MYOCD: variants seen among roughly 807,000 people sequenced by gnomAD.
MYOCD encodes myocardin.
MYOCD carries 32 observed loss-of-function variants against 96.1 expected under a neutral mutation model. That is an observed-to-expected ratio of 0.33 (90% CI 0.25 to 0.45). MYOCD has a LOEUF of 0.45. Ranked by LOEUF, MYOCD falls within the 20% of genes least tolerant of loss-of-function variation. The pLI is 1.00. For synonymous variants in MYOCD, 469 were observed against 469.0 expected, an observed-to-expected ratio of 1.00 and a Z score of 0.00; for missense variants, 1,133 against 1,200.6, an observed-to-expected ratio of 0.94 and a Z score of 0.83.
intron 1 of MYOCD, among the ~76,000 whole-genome samples, chr17:12,698,177 C>T (rs1013758756): frequency 7.2e-5 from 11 of 152,060 alleles, no homozygotes; most frequent in Non-Finnish European, 5.9e-5. Context: ...GCTAATGCTG[C>T]GTAACATGTA....
intron 1 of MYOCD, among the ~76,000 whole-genome samples, chr17:12,698,828 C>T (rs1597751944): frequency 6.8e-6 from 1 of 147,436 alleles, no homozygotes; most frequent in Non-Finnish European, 1.5e-5. Context: ...CTGCAAGCTC[C>T]GCCTCCCCGG....
intron 1 of MYOCD, among the ~76,000 whole-genome samples, chr17:12,670,077 G>T (rs1909609538): frequency 1.3e-5 from 2 of 152,128 alleles, no homozygotes. Context: ...TTCACCTCTG[G>T]TCTCTGGTCG....
intron 1 of MYOCD, among the ~76,000 whole-genome samples, chr17:12,670,380 T>TCAGA (rs1031354205): frequency 6.6e-6 from 1 of 152,150 alleles, no homozygotes; most frequent in African/African-American, 2.4e-5. Flanking sequence ...TCTCCATCCT[T>TCAGA]CAGACAACCT....
intron 5 of MYOCD, 116 bp downstream of exon 5, chr17:12,723,124 AC>A: frequency 1.0e-6 from 1 of 990,044 alleles, no homozygotes; most frequent in Non-Finnish European, 1.5e-6. Context: ...TAAGAGCCAT[AC>A]CATGGGTTGT....
chr17:12,701,150 C>T (rs1170391640), intron 1 of MYOCD, among the ~76,000 whole-genome samples: 2 of 151,958 alleles, frequency 1.3e-5, no homozygotes, highest in Non-Finnish European at 2.9e-5. Flanking sequence ...TTATTCTCTA[C>T]CTTTATAATC....
At position 12,754,393 on chromosome 17, in the gene MYOCD, T is replaced by C. The variant is rs142627724; in HGVS notation, c.2058+1047T>C. Among the ~76,000 whole-genome samples the C allele has an allele frequency of 7.2e-4, 109 of 152,288 alleles. 4 individuals are homozygous for C. In the East Asian group the frequency reaches 0.014, roughly 19 times the overall value. ...CTGGGATTACAGGCGTGAGCCACCA[T>C]GCCCAGCCGGAAATTTGCAACTTTA... On this transcript the variant is annotated intron_variant, in intron 10 of 13. Coordinates refer to ENST00000425538, the MANE Select transcript of MYOCD (RefSeq NM_001146312.3).
chr17:12,749,543 T>TATAC (rs1555535096), intron 9 of MYOCD, among the ~76,000 whole-genome samples: 5 of 148,346 alleles, frequency 3.4e-5, no homozygotes, highest in South Asian at 2.1e-4. Flanking sequence ...CTTATATATA[T>TATAC]ATATGTATGT....
intron 1 of MYOCD, among the ~76,000 whole-genome samples, chr17:12,684,341 GGT>G (rs1421125869): frequency 6.6e-6 from 1 of 152,064 alleles, no homozygotes. Flanking sequence ...AAAACATGCC[GGT>G]GTAGCCCTCT....
intron 5 of MYOCD, among the ~76,000 whole-genome samples, chr17:12,733,765 G>T (rs1347455836): frequency 6.6e-6 from 1 of 151,942 alleles, no homozygotes; most frequent in African/African-American, 2.4e-5. Flanking sequence ...TACTTGGGAG[G>T]CTGAGGCCAG....
At chr17:12,678,049 C>T (rs968169431) in intron 1 of MYOCD, among the ~76,000 whole-genome samples, 10 of 151,488 alleles carry the variant, frequency 6.6e-5, no homozygotes, top group East Asian at 2.0e-4. Context: ...TGCACCACCA[C>T]GCCCAGCTAA....
chr17:12,727,270 C>G (rs1479723366), intron 5 of MYOCD, among the ~76,000 whole-genome samples: 1 of 152,166 alleles, frequency 6.6e-6, no homozygotes, highest in African/African-American at 2.4e-5. Context: ...AATTGAGCAC[C>G]TGTTACTCAT....
rs138024733 is a variant in MYOCD, at chr17:12,740,824, C to T, written c.717+1496C>T. 4.5e-3 allele frequency among the ~76,000 whole-genome samples: 688 copies of T among 152,204 alleles called. 4 individuals are homozygous for T. Among genetic ancestry groups the T allele is most frequent in the Admixed American group, 8.9e-3 (136 of 15,282 alleles). On this transcript the variant is annotated intron_variant, in intron 7 of 13. Coordinates refer to ENST00000425538, the MANE Select transcript of MYOCD (RefSeq NM_001146312.3). ...CGTGATCTCAGCTCGTCGCAACCTC[C>T]GCCTCCCAGGTTCAAGTGATTCTCC...
intron 4 of MYOCD, among the ~76,000 whole-genome samples, chr17:12,717,915 G>C (rs2031699495): frequency 6.6e-6 from 1 of 152,168 alleles, no homozygotes; most frequent in Non-Finnish European, 1.5e-5. Context: ...CCACCTCTGT[G>C]CTGGGGTATG....
chr17:12,717,923 A>T (rs976950779), intron 4 of MYOCD, among the ~76,000 whole-genome samples: 2 of 152,300 alleles, frequency 1.3e-5, no homozygotes, highest in East Asian at 3.9e-4. Flanking sequence ...GTGCTGGGGT[A>T]TGTGAGACAA....
At chr17:12,678,871 A>AT (rs139591706) in intron 1 of MYOCD, among the ~76,000 whole-genome samples, 39,223 of 151,406 alleles carry the variant, frequency 0.26, 5,400 homozygotes, top group African/African-American at 0.32. Flanking sequence ...AATTTTTTGT[A>AT]TTTTTTTAGT....
intron 1 of MYOCD, among the ~76,000 whole-genome samples, chr17:12,687,220 T>A (rs1045897380): frequency 6.6e-6 from 1 of 152,184 alleles, no homozygotes; most frequent in African/African-American, 2.4e-5. Context: ...TTCAGTAATA[T>A]GTTTTAAAAA....
In MYOCD at chr17:12,752,538, A is replaced by C; in HGVS notation, c.1250A>C (p.Asp417Ala). The C allele has an allele frequency of 6.2e-7, 1 of 1,614,062 alleles. No homozygotes were observed. The highest frequency in any genetic ancestry group is 1.1e-5 in the South Asian group (1 of 91,066). The change falls in exon 10 of 14, where the codon GAT becomes GCT. Residue 417 changes from aspartate (D) to alanine (A), a missense_variant. Transcript: ENST00000425538. ...CSGNPVPNFG[D>A]ITTVTFPVTP... ...GGCAACCCAGTGCCGAACTTTGGGG[A>C]TATAACGACTGTCACTTTTCCTGTC...
intron 1 of MYOCD, among the ~76,000 whole-genome samples, chr17:12,695,049 G>GA (rs1399065449): frequency 2.6e-5 from 4 of 151,982 alleles, no homozygotes; most frequent in African/African-American, 9.7e-5. Context: ...AAACATATAG[G>GA]AAAAAGGACC....
At chr17:12,760,995 ACTT>A (rs764433157) in intron 13 of MYOCD, 12 of 310,424 alleles carry the variant, frequency 3.9e-5, no homozygotes, top group African/African-American at 6.3e-5. Context: ...CTCTTGCTGC[ACTT>A]CTTCTTTCTA....
Sources: allele counts gnomAD v4.1 joint callset (sites outside exome capture counted in the v4.1 genomes callset), GRCh38; gene constraint gnomAD v4.1.1; transcripts MANE v1.5; gene names NCBI Gene and HGNC (gene_info 2026-07-23, HGNC 2026-07-21).